ANXA8: variants seen among roughly 807,000 people sequenced by gnomAD.
ANXA8 encodes the protein VAC-beta.
A neutral mutation model predicts 26.8 loss-of-function variants in ANXA8; 9 were observed. That is an observed-to-expected ratio of 0.34 (90% CI 0.20 to 0.59). The LOEUF (loss-of-function observed/expected upper bound fraction) is 0.59, where lower values mean the gene tolerates loss of function less well. ANXA8 is among the 20% of genes least tolerant of loss of function. ANXA8 has a pLI of 0.84. For synonymous variants in ANXA8, 39 were observed against 94.8 expected (o/e 0.41, Z 3.42); for missense variants, 83 against 238.5 (o/e 0.35, Z 4.29).
chr10:47,487,158 C>T (rs1273451152), upstream of ANXA8: 3 of 1,278,650 alleles, frequency 2.3e-6, no homozygotes, highest in African/African-American at 3.0e-5. Flanking sequence ...TATGTTATGT[C>T]AACAAGAAAA....
chr10:47,900,600 A>G, the ANXA8 span, among the ~76,000 whole-genome samples: 1 of 145,106 alleles, frequency 6.9e-6, no homozygotes, highest in East Asian at 2.0e-4. Context: ...ACCTTTTTCA[A>G]TATCAGTTTT....
chr10:47,980,512 C>A, the ANXA8 span, among the ~76,000 whole-genome samples: 1 of 151,682 alleles, frequency 6.6e-6, no homozygotes, highest in Non-Finnish European at 1.5e-5. Flanking sequence ...AATTAGTAAA[C>A]CTTTAGCTTG....
chr10:47,684,224 A>G, the ANXA8 span, among the ~76,000 whole-genome samples: 12 of 152,230 alleles, frequency 7.9e-5, no homozygotes, highest in Non-Finnish European at 1.8e-4. Context: ...TCAGTTGTCC[A>G]TAACTTTTCT....
chr10:47,487,879 T>G (rs1840074921), upstream of ANXA8, among the ~76,000 whole-genome samples: 1 of 150,826 alleles, frequency 6.6e-6, no homozygotes, highest in Non-Finnish European at 1.5e-5. Flanking sequence ...GATTCTCCCC[T>G]CTCCAAGATT....
chr10:47,918,371 GAGAGAGAGAGAGAGAA>G, the ANXA8 span, among the ~76,000 whole-genome samples: 6 of 18,838 alleles, frequency 3.2e-4, 2 homozygotes, highest in Non-Finnish European at 5.7e-4. Context: ...GAGAGAGAGA[GAGAGAGAGAGAGAGAA>G]AGAAAGAAAG....
At chr10:47,986,739 G>GCGCCCGGCCCCA in the ANXA8 span, 1 of 335,790 alleles carries the variant, frequency 3.0e-6, no homozygotes, top group Non-Finnish European at 5.9e-6. Flanking sequence ...GCAAGGCCCC[G>GCGCCCGGCCCCA]CGCGCCCGCC....
chr10:47,657,314 G>A, the ANXA8 span, among the ~76,000 whole-genome samples: 11 of 151,704 alleles, frequency 7.3e-5, no homozygotes, highest in Non-Finnish European at 1.3e-4. Context: ...ATATAGGCAT[G>A]TGTCACCTCA....
chr10:47,571,459 T>C, the ANXA8 span, among the ~76,000 whole-genome samples: 1 of 149,996 alleles, frequency 6.7e-6, no homozygotes, highest in African/African-American at 2.5e-5. Flanking sequence ...TATTTATCTG[T>C]TATTTCCTGA....
the ANXA8 span, among the ~76,000 whole-genome samples, chr10:47,611,740 G>T: frequency 1.4e-5 from 1 of 73,440 alleles, no homozygotes; most frequent in African/African-American, 3.9e-5. Flanking sequence ...AATTTATGGT[G>T]GTGGCTTATA....
At chr10:47,670,715 GT>G in the ANXA8 span, among the ~76,000 whole-genome samples, 1 of 151,702 alleles carries the variant, frequency 6.6e-6, no homozygotes, top group Admixed American at 6.6e-5. Flanking sequence ...TGTTGTCTTT[GT>G]GTTGTAGAGT....
At chr10:47,724,589 C>A in the ANXA8 span, among the ~76,000 whole-genome samples, 37 of 141,900 alleles carry the variant, frequency 2.6e-4, 3 homozygotes, top group Middle Eastern at 3.5e-3. Flanking sequence ...CCTTTCCTAA[C>A]CACCCTTCTT....
chr10:47,900,858 A>G, the ANXA8 span, among the ~76,000 whole-genome samples: 1 of 151,266 alleles, frequency 6.6e-6, no homozygotes, highest in Non-Finnish European at 1.5e-5. Context: ...AAGAATGTAA[A>G]CAAGAAAACT....
the ANXA8 span, among the ~76,000 whole-genome samples, chr10:47,650,586 C>A: frequency 6.8e-6 from 1 of 147,694 alleles, no homozygotes; most frequent in Admixed American, 6.7e-5. Context: ...GTGGGCGGAT[C>A]ACGAGGTCAG....
the ANXA8 span, among the ~76,000 whole-genome samples, chr10:47,603,285 C>T: frequency 3.4e-5 from 5 of 148,952 alleles, no homozygotes; most frequent in South Asian, 8.3e-4. Context: ...TATATACGGC[C>T]AATATTACCA....
At chr10:47,940,789 C>T in the ANXA8 span, among the ~76,000 whole-genome samples, 6 of 142,648 alleles carry the variant, frequency 4.2e-5, no homozygotes, top group African/African-American at 8.4e-5. Context: ...GATCATGCCA[C>T]TGCACTCCAG....
At chr10:47,595,624 G>GA in the ANXA8 span, among the ~76,000 whole-genome samples, 1 of 149,086 alleles carries the variant, frequency 6.7e-6, no homozygotes, top group African/African-American at 2.6e-5. Context: ...TCATATCAGA[G>GA]AAAACAGATC....
At chr10:47,955,000 CTG>C in the ANXA8 span, among the ~76,000 whole-genome samples, 1 of 148,734 alleles carries the variant, frequency 6.7e-6, no homozygotes, top group African/African-American at 2.5e-5. Context: ...TATAGTTTGG[CTG>C]TGTCCCCACC....
chr10:47,719,150 C>T, the ANXA8 span, among the ~76,000 whole-genome samples: 1 of 126,652 alleles, frequency 7.9e-6, no homozygotes, highest in Non-Finnish European at 1.6e-5. Flanking sequence ...AGTTCACCTC[C>T]TATTTGGCTT....
At chr10:47,630,888 C>T in the ANXA8 span, among the ~76,000 whole-genome samples, 3 of 149,352 alleles carry the variant, frequency 2.0e-5, no homozygotes, top group South Asian at 4.1e-4. Flanking sequence ...ACCAGTGTCA[C>T]TGGACTGGTG....
Sources: allele counts gnomAD v4.1 joint callset (sites outside exome capture counted in the v4.1 genomes callset), GRCh38; gene constraint gnomAD v4.1.1; transcripts MANE v1.5; gene names NCBI Gene and HGNC (gene_info 2026-07-23, HGNC 2026-07-21).